Variants in CPD observed in about 807,000 individuals in gnomAD.
The protein encoded by CPD is metallocarboxypeptidase D.
CPD carries 69 observed loss-of-function variants against 138.3 expected under a neutral mutation model. The ratio of observed to expected loss-of-function variants is 0.50; its 90% CI spans 0.41 to 0.61. The LOEUF is 0.61. Ranked by LOEUF, CPD falls within the 20% of genes least tolerant of loss-of-function variation. The pLI is 0.00. For missense variants in CPD, 1,432 were observed against 1,733.3 expected (o/e 0.83, Z 3.09); for synonymous variants, 651 against 642.1 (o/e 1.01, Z -0.21).
At chr17:30,443,753 A>G (rs781247916) in intron 10 of CPD, 49 bp from the exon 11 acceptor site, 1 of 1,499,536 alleles carries the variant, frequency 6.7e-7, no homozygotes, top group Admixed American at 2.0e-5. Context: ...CAAGATAATT[A>G]GATGATGATG....
At chr17:30,450,056 A>C (rs1043656142) in intron 13 of CPD, among the ~76,000 whole-genome samples, 9 of 142,882 alleles carry the variant, frequency 6.3e-5, no homozygotes, top group African/African-American at 2.1e-4. Context: ...ATAGTTCTTT[A>C]CTTTTTTTTT....
At chr17:30,453,723 G>T (rs1018471963) in intron 14 of CPD, among the ~76,000 whole-genome samples, 1 of 152,244 alleles carries the variant, frequency 6.6e-6, no homozygotes, top group African/African-American at 2.4e-5. Flanking sequence ...GGTTCTCCAT[G>T]AGGGGCCTGC....
Position 30,438,070 on chromosome 17 carries a change from C to A in CPD, c.2128-905C>A, listed in dbSNP as rs1289673119. Among the ~76,000 whole-genome samples, 3 of 127,120 alleles carry A rather than the reference C, an allele frequency of 2.4e-5. 1 individual carries two copies. The highest frequency in any genetic ancestry group is 4.7e-5 in the Non-Finnish European group (3 of 64,336). The allele number at this position is 127,120 out of a possible 152,430, so 83.4% of individuals were successfully genotyped here. A position where few individuals can be genotyped will look rare whatever the true frequency, so the allele number is the denominator to read the frequency against. On this transcript the variant is annotated intron_variant, in intron 8 of 20. Transcript: ENST00000225719. ...TATTGCCCAGGCTGGTCTTGAACTT[C>A]TGAGCTCAAGCAGTTCTCCAACCTT... is the stretch of plus-strand genomic sequence containing the variant.
chr17:30,394,928 C>T (rs1034929486), intron 2 of CPD, among the ~76,000 whole-genome samples: 4 of 111,662 alleles, frequency 3.6e-5, no homozygotes, highest in East Asian at 2.9e-4. Context: ...TGTGTGTGTT[C>T]GTTCAGGTGA....
chr17:30,391,089 CAAAGTGCTGGGAT>C (rs1005768175), intron 2 of CPD, among the ~76,000 whole-genome samples: 22 of 151,342 alleles, frequency 1.5e-4, no homozygotes, highest in African/African-American at 5.3e-4. Context: ...CTCGCCCTCC[CAAAGTGCTGGGAT>C]TACAGGCCTG....
intron 2 of CPD, among the ~76,000 whole-genome samples, chr17:30,415,020 A>G (rs944501422): frequency 4.6e-5 from 7 of 152,216 alleles, no homozygotes; most frequent in Non-Finnish European, 8.8e-5. Flanking sequence ...TCATTATACC[A>G]AGGAAATAAG....
intron 5 of CPD, 103 bp downstream of exon 5, chr17:30,423,126 G>A: frequency 3.6e-6 from 3 of 839,432 alleles, no homozygotes; most frequent in Non-Finnish European, 5.3e-6. Context: ...TTGTATAACT[G>A]GCATTAAGAA....
At chr17:30,445,667 T>C in intron 11 of CPD, 24 bp from the exon 12 acceptor site, 2 of 1,527,842 alleles carry the variant, frequency 1.3e-6, no homozygotes, top group Non-Finnish European at 1.8e-6. Flanking sequence ...GGAGTGTGGT[T>C]CTGATCTGTC....
intron 2 of CPD, among the ~76,000 whole-genome samples, chr17:30,407,792 T>C (rs979477556): frequency 3.3e-5 from 5 of 152,240 alleles, no homozygotes; most frequent in African/African-American, 1.2e-4. Flanking sequence ...TGGTAGTTTC[T>C]TTTGCTGTGC....
At chr17:30,393,667 T>C (rs1911416547) in intron 2 of CPD, among the ~76,000 whole-genome samples, 1 of 152,210 alleles carries the variant, frequency 6.6e-6, no homozygotes, top group Non-Finnish European at 1.5e-5. Flanking sequence ...TCTGACCTAA[T>C]GAACGCGTAC....
At chr17:30,445,274 G>A (rs940073214) in intron 11 of CPD, among the ~76,000 whole-genome samples, 1 of 152,190 alleles carries the variant, frequency 6.6e-6, no homozygotes, top group Admixed American at 6.5e-5. Flanking sequence ...AGACCAGCCT[G>A]GCCAACATGG....
In CPD at chr17:30,422,633, C is replaced by G. The variant is rs187375651; in HGVS notation, c.1308-41C>G. Reference sequence around the variant, plus strand: ...TTTATAATATTAAAGCATTGTATGTCTTAACTATAAACCATTTACTTTTTC... The same window carrying G: ...TTTATAATATTAAAGCATTGTATGTGTTAACTATAAACCATTTACTTTTTC... On this transcript the variant is annotated intron_variant, in intron 4 of 20. Transcript: ENST00000225719. 2.2e-6 allele frequency: 3 copies of G among 1,358,006 alleles called. No individual in the cohort carries two copies. The East Asian group carries it at 7.0e-5, about 32-fold the overall frequency. The allele number at this position is 1,358,006 out of a possible 1,614,324, so 84.1% of individuals were successfully genotyped here.
At chr17:30,424,108 G>A (rs1030711460) in intron 6 of CPD, among the ~76,000 whole-genome samples, 1 of 152,166 alleles carries the variant, frequency 6.6e-6, no homozygotes, top group Admixed American at 6.5e-5. Context: ...TCAGGGTGCA[G>A]CTTGGTTTTA....
intron 2 of CPD, among the ~76,000 whole-genome samples, chr17:30,398,122 C>G (rs934143647): frequency 6.6e-6 from 1 of 151,708 alleles, no homozygotes; most frequent in East Asian, 1.9e-4. Flanking sequence ...ATTTGTGAAG[C>G]GTCGCATATT....
At chr17:30,380,547 T>A in intron 1 of CPD, 1 of 1,472,744 alleles carries the variant, frequency 6.8e-7, no homozygotes, top group Middle Eastern at 2.3e-4. Context: ...TTAAGTGTTA[T>A]TAAGCATTGC....
chr17:30,435,784 T>G, intron 8 of CPD, among the ~76,000 whole-genome samples: 1 of 152,170 alleles, frequency 6.6e-6, no homozygotes, highest in Non-Finnish European at 1.5e-5. Flanking sequence ...AGGCCAGAAG[T>G]CCAAAATCAC....
intron 2 of CPD, among the ~76,000 whole-genome samples, chr17:30,387,961 G>T (rs1263289729): frequency 6.6e-6 from 1 of 152,180 alleles, no homozygotes; most frequent in Non-Finnish European, 1.5e-5. Flanking sequence ...CCGGCAGTGG[G>T]CATCTCCTCT....
At chr17:30,433,632 T>C (rs1489299771) in intron 8 of CPD, among the ~76,000 whole-genome samples, 1 of 152,210 alleles carries the variant, frequency 6.6e-6, no homozygotes, top group Non-Finnish European at 1.5e-5. Context: ...ATATGTGTGC[T>C]CTCCAACTTC....
Position 30,379,076 on chromosome 17 carries a change from T to C in CPD, c.96T>C (p.Ala32=), listed in dbSNP as rs746384865. ...LLLLGSSARA[A]HIKKAEATTT... ...TGCTGGGGAGCTCGGCCCGGGCGGC[T>C]CACATCAAGAAGGCGGAGGCGACTA... Residue 32 remains alanine, a synonymous_variant, in exon 1 of 21, where the codon GCT becomes GCC. Transcript: ENST00000225719. The surrounding 1 kb of genome is among the most constrained non-coding windows in gnomAD (Gnocchi z 7.0). The C allele has an allele frequency of 6.4e-7, 1 of 1,560,692 alleles. No homozygotes were observed. Among genetic ancestry groups the C allele is most frequent in the Non-Finnish European group, 8.6e-7 (1 of 1,159,638 alleles).
Sources: gnomAD v4.1 joint callset for allele counts (sites outside exome capture counted in the v4.1 genomes callset) on GRCh38, gnomAD v4.1.1 for gene constraint, Gnocchi (gnomAD v3.1) non-coding constraint, MANE v1.5 for transcripts, NCBI Gene and HGNC (gene_info 2026-07-23, HGNC 2026-07-21) for gene names.